The following CUL9 variants were observed in gnomAD, a reference collection of about 807,000 sequenced individuals.
CUL9 encodes cullin-9.
A neutral mutation model predicts 272.6 loss-of-function variants in CUL9; 79 were observed. The observed-to-expected ratio is 0.29, with a 90% CI of 0.24 to 0.35. CUL9 has a LOEUF of 0.35. Among genes scored for constraint, CUL9 ranks in the 10% least tolerant of loss-of-function variants. The pLI, the probability that CUL9 is intolerant of heterozygous loss-of-function variation, is 1.00. For missense variants in CUL9, 2,532 were observed against 3,255.6 expected, an observed-to-expected ratio of 0.78 and a Z score of 5.41; for synonymous variants, 1,186 against 1,286.5, an observed-to-expected ratio of 0.92 and a Z score of 1.67.
chr6:43,220,804 A>G lies in CUL9; in HGVS notation c.6481A>G (p.Thr2161Ala). The change falls in exon 33 of 41, where the codon ACC becomes GCC. Residue 2161 changes from threonine to alanine, a missense_variant. Thr to Ala is a moderately conservative substitution (Grantham distance 58, BLOSUM62 0). This residue lies in a region of CUL9 where 2,218 missense variants were observed against 2,788.6 expected (regional missense o/e 0.80). Transcript: ENST00000252050. The surrounding 1 kb of genome is among the most constrained non-coding windows in gnomAD (Gnocchi z 4.9). ...VESCSNLTWC[T>A]NPQGCDRILC... ...GAGCTGCTCCAACCTGACCTGGTGC[A>G]CCAACCCCCAGGGCTGCGACCGCAT... 6.2e-7 allele frequency: 1 copy of G among 1,613,540 alleles called. No individual in the cohort carries two copies. Among genetic ancestry groups the G allele is most frequent in the Non-Finnish European group, 8.5e-7 (1 of 1,179,998 alleles).
rs747565598 is a variant in CUL9 at position 43,223,330 on chromosome 6, G to A, written c.7217G>A (p.Ser2406Asn). Residue 2406 changes from serine (S) to asparagine (N), a missense_variant, in exon 39 of 41, where the codon AGC (serine) becomes AAC (asparagine). Coordinates refer to ENST00000252050, the MANE Select transcript of CUL9 (RefSeq NM_015089.4). This position sits in a 1 kb window ranked among gnomAD's most constrained non-coding sequence, Gnocchi z 4.1. Reference protein sequence around the residue: ...SLRLLRADCLSTGMELLRRIQ... With the variant: ...SLRLLRADCLNTGMELLRRIQ... ...CGCCTCCTGCGGGCCGACTGCCTCA[G>A]CACGGGCATGGAGCTGCTCCGGCGG... 6 of 1,602,220 alleles carry A rather than the reference G, an allele frequency of 3.7e-6. No individual in the cohort carries two copies. The highest frequency in any genetic ancestry group is 2.3e-5 in the South Asian group (2 of 88,728).
Position 43,206,879 on chromosome 6 carries a change from C to T in CUL9, c.5212+369C>T, listed in dbSNP as rs1733173464. ...TATTTTTTTGACATGGAGTCTCACTCTGTCACCCAGACCAGAGTGCAGTGG... is the reference window on the plus strand; with the variant it reads ...TATTTTTTTGACATGGAGTCTCACTTTGTCACCCAGACCAGAGTGCAGTGG... On this transcript the variant is annotated intron_variant, in intron 26 of 40. Transcript: ENST00000252050. The surrounding 1 kb of genome is among the most constrained non-coding windows in gnomAD (Gnocchi z 4.8). Among the ~76,000 whole-genome samples the T allele has an allele frequency of 6.6e-6, 1 of 152,138 alleles. No individual in the cohort carries two copies. The highest frequency in any genetic ancestry group is 2.4e-5 in the African/African-American group (1 of 41,414).
intron 11 of CUL9, among the ~76,000 whole-genome samples, chr6:43,197,628 TGC>T (rs1774124786): frequency 6.6e-6 from 1 of 150,530 alleles, no homozygotes; most frequent in Admixed American, 6.6e-5. Flanking sequence ...GGATTACAGG[TGC>T]GCACCACCAC....
Position 43,223,099 on chromosome 6 carries a change from T to G in CUL9, c.7151-165T>G. 9.3e-7 allele frequency: 1 copy of G among 1,076,050 alleles called. No homozygotes were observed. The highest frequency in any genetic ancestry group is 1.3e-6 in the Non-Finnish European group (1 of 756,536). The allele number at this position is 1,076,050 out of a possible 1,614,324, so 66.7% of individuals were successfully genotyped here. Reference sequence around the variant, plus strand: ...AGGTGCCCAAGGGCGCAGATGTTCGTGGATGTTTCTTGGTTTCTGGTCTTT... The same window carrying G: ...AGGTGCCCAAGGGCGCAGATGTTCGGGGATGTTTCTTGGTTTCTGGTCTTT... On this transcript the variant is annotated intron_variant, in intron 38 of 40. Coordinates refer to ENST00000252050, the MANE Select transcript of CUL9 (RefSeq NM_015089.4). This position sits in a 1 kb window ranked among gnomAD's most constrained non-coding sequence, Gnocchi z 4.1.
Position 43,203,244 on chromosome 6 carries a change from T to A in CUL9, c.3849+40T>A, listed in dbSNP as rs1774764022. ...TCAGCCAGGGCTGAGGAGGAGGAGG[T>A]GGCACACAAGTTTCTCCTTGATCTG... On this transcript the variant is annotated intron_variant, in intron 18 of 40. Transcript: ENST00000252050. This position sits in a 1 kb window ranked among gnomAD's most constrained non-coding sequence, Gnocchi z 5.0. 1 of 1,609,602 alleles carries A rather than the reference T, an allele frequency of 6.2e-7. No homozygotes were observed. The highest frequency in any genetic ancestry group is 2.2e-5 in the East Asian group (1 of 44,810).
At chr6:43,202,972 C>T in intron 17 of CUL9, 137 bp from the exon 18 acceptor site, 2 of 1,189,060 alleles carry the variant, frequency 1.7e-6, no homozygotes, top group Admixed American at 3.8e-5. Flanking sequence ...ATTAGGGATG[C>T]AGAGCCACGT....
chr6:43,202,719 G>A lies in CUL9; in HGVS notation c.3651G>A (p.Gln1217=). The change falls in exon 17 of 41, where the codon CAG becomes CAA. Residue 1217 remains glutamine (Q), a synonymous_variant. Coordinates refer to ENST00000252050, the MANE Select transcript of CUL9 (RefSeq NM_015089.4). ...LHMHRGVLVR[Q]LTLLVASEDS... The stretch of plus-strand genomic sequence containing the variant: ...TGTTTCCTTTCTTCTTTCCCAGGCA[G>A]CTCACTTTGCTGGTGGCCAGTGAGG... 1 of 1,613,958 alleles carries A rather than the reference G, an allele frequency of 6.2e-7. No individual in the cohort carries two copies. The highest frequency in any genetic ancestry group is 1.6e-4 in the Middle Eastern group (1 of 6,062).
rs917624160 is a variant in CUL9, at chr6:43,200,340, C to T, written c.3385-96C>T. On this transcript the variant is annotated intron_variant, in intron 14 of 40. Transcript: ENST00000252050. This position sits in a 1 kb window ranked among gnomAD's most constrained non-coding sequence, Gnocchi z 4.0. ...GTGGGGAGAGAGGAGTTGAGTATAC[C>T]GTTGACCCTTGACTTTTTCTCTCTA... 558 of 1,593,960 alleles carry T rather than the reference C, an allele frequency of 3.5e-4. No homozygotes were observed. Among genetic ancestry groups the T allele is most frequent in the Non-Finnish European group, 4.4e-4 (514 of 1,164,208 alleles).
At position 43,202,772 on chromosome 6, in the gene CUL9, T is replaced by C. The variant is rs749873555; in HGVS notation, c.3704T>C (p.Val1235Ala). The C allele has an allele frequency of 1.2e-6, 2 of 1,613,940 alleles. No individual in the cohort carries two copies. The highest frequency in any genetic ancestry group is 4.5e-5 in the East Asian group (2 of 44,860). The change falls in exon 17 of 41, where the codon GTG becomes GCG. Residue 1235 changes from valine (V) to alanine (A), a missense_variant. Physicochemically the swap from Val to Ala is moderately conservative, Grantham distance 64. Transcript: ENST00000252050. The part of the protein sequence containing the change: ...EDSSYMPARV[V>A]VFGGDSTSCI... ...TCAAGCTACATGCCAGCCAGGGTGG[T>C]GGTGTTTGGGGGTGACAGCACCAGC...
At position 43,222,356 on chromosome 6, in the gene CUL9, A is replaced by G. The variant is rs911863247; in HGVS notation, c.6887A>G (p.Tyr2296Cys). Residue 2296 changes from tyrosine (Y) to cysteine (C), a missense_variant, in exon 36 of 41, where the codon TAT (tyrosine) becomes TGT (cysteine). By Grantham distance (194) the Tyr-to-Cys change is radical. Coordinates refer to ENST00000252050, the MANE Select transcript of CUL9 (RefSeq NM_015089.4). ...AARQEKRFQDYNERCTFHHQA... is the reference protein window; with the variant it reads ...AARQEKRFQDCNERCTFHHQA... ...CGCCAGGAGAAGCGGTTTCAGGACT[A>G]TAATGAGAGGTGCACTTTCCATCAC... 6.2e-7 allele frequency: 1 copy of G among 1,613,358 alleles called. No homozygotes were observed.
intron 8 of CUL9, among the ~76,000 whole-genome samples, chr6:43,191,873 C>T (rs943073662): frequency 1.1e-4 from 17 of 151,252 alleles, no homozygotes; most frequent in African/African-American, 4.1e-4. Flanking sequence ...GTGTGTGTCA[C>T]TGTGCCCAGA....
intron 8 of CUL9, 87 bp downstream of exon 8, chr6:43,188,802 T>G: frequency 8.6e-7 from 1 of 1,168,924 alleles, no homozygotes. Flanking sequence ...AGATCACGAA[T>G]TAGAAAAGCT....
intron 26 of CUL9, among the ~76,000 whole-genome samples, chr6:43,212,029 T>C (rs1693704549): frequency 6.6e-6 from 1 of 152,260 alleles, no homozygotes. Flanking sequence ...TTGCAATTAT[T>C]TCTGGAGGAA....
At chr6:43,198,035 G>GT (rs1420466274) in intron 11 of CUL9, among the ~76,000 whole-genome samples, 4 of 152,178 alleles carry the variant, frequency 2.6e-5, no homozygotes, top group African/African-American at 9.6e-5. Context: ...GAGGTCAGCA[G>GT]TTTGAGACCA....
chr6:43,207,906 G>A (rs1311319966), intron 26 of CUL9, among the ~76,000 whole-genome samples: 2 of 152,204 alleles, frequency 1.3e-5, no homozygotes, highest in Admixed American at 1.3e-4. Context: ...CTTCTGTAAA[G>A]TTACTAGTTT....
At chr6:43,209,389 T>G (rs1582395543) in intron 26 of CUL9, among the ~76,000 whole-genome samples, 1 of 150,056 alleles carries the variant, frequency 6.7e-6, no homozygotes, top group Non-Finnish European at 1.5e-5. Context: ...GACCTCGTGA[T>G]TTGCCTGCCT....
chr6:43,224,246 C>G lies in CUL9; in HGVS notation c.7359-4C>G, dbSNP rs776348827. ...TCTGGGCTGAGTGTGGTGGCTCTCC[C>G]TAGGCCCCAGGCCTCCTCAGGGCCA... On this transcript the variant is annotated splice_polypyrimidine_tract_variant and splice_region_variant and intron_variant, in intron 40 of 40. Coordinates refer to ENST00000252050, the MANE Select transcript of CUL9 (RefSeq NM_015089.4). This position sits in a 1 kb window ranked among gnomAD's most constrained non-coding sequence, Gnocchi z 4.2. 2.1e-5 allele frequency: 34 copies of G among 1,614,122 alleles called. No homozygotes were observed. Among genetic ancestry groups the G allele is most frequent in the Non-Finnish European group, 2.8e-5 (33 of 1,179,984 alleles).
In CUL9 at chr6:43,221,776, A is replaced by G; in HGVS notation, c.6844A>G (p.Met2282Val). 6.2e-7 allele frequency: 1 copy of G among 1,611,446 alleles called. No individual in the cohort carries two copies. The highest frequency in any genetic ancestry group is 1.7e-4 in the Middle Eastern group (1 of 6,060). Reference protein sequence around the residue: ...NHKDYYNCSAMVSKAARQEKR... With the variant: ...NHKDYYNCSAVVSKAARQEKR... Reference sequence around the variant, plus strand: ...CAAAGACTATTACAACTGCTCTGCCATGGTAAGGCGCTGGGCACTAGGGGA... The same window carrying G: ...CAAAGACTATTACAACTGCTCTGCCGTGGTAAGGCGCTGGGCACTAGGGGA... Residue 2282 changes from methionine (M) to valine (V), a missense_variant and splice_region_variant, in exon 35 of 41, where the codon ATG becomes GTG. By Grantham distance (21) the Met-to-Val change is conservative. Coordinates refer to ENST00000252050, the MANE Select transcript of CUL9 (RefSeq NM_015089.4). The surrounding 1 kb of genome is among the most constrained non-coding windows in gnomAD (Gnocchi z 4.2).
At chr6:43,205,961 C>G (rs746285227) in intron 24 of CUL9, 46 bp from the exon 25 acceptor site, 1 of 1,571,820 alleles carries the variant, frequency 6.4e-7, no homozygotes, top group African/African-American at 1.3e-5. Context: ...GGCTGGGCCA[C>G]GCTGGCACCC....
Sources: gnomAD v4.1 joint callset for allele counts (sites outside exome capture counted in the v4.1 genomes callset) on GRCh38, gnomAD v4.1.1 for gene constraint, gnomAD v4.1.1 regional missense constraint, Gnocchi (gnomAD v3.1) non-coding constraint, MANE v1.5 for transcripts, NCBI Gene and HGNC (gene_info 2026-07-23, HGNC 2026-07-21) for gene names.